Variants in EPHA3 observed in about 807,000 individuals in gnomAD.
The protein encoded by EPHA3 is ephrin type-A receptor 3.
Under a neutral mutation model 107.1 loss-of-function variants are expected in EPHA3, and 42 were observed. The observed-to-expected ratio is 0.39, with a 90% CI of 0.31 to 0.51. The LOEUF (loss-of-function observed/expected upper bound fraction) is 0.51, where lower values mean the gene tolerates loss of function less well. Ranked by LOEUF, EPHA3 falls within the 20% of genes least tolerant of loss-of-function variation. The pLI is 0.78. For missense variants in EPHA3, 1,183 were observed against 1,211.2 expected (o/e 0.98, Z 0.35); for synonymous variants, 461 against 424.8 (o/e 1.09, Z -1.05).
intron 10 of EPHA3, among the ~76,000 whole-genome samples, chr3:89,417,732 T>C (rs1709276696): frequency 6.6e-6 from 1 of 151,488 alleles, no homozygotes; most frequent in Admixed American, 6.6e-5. Flanking sequence ...TTCTCTACAC[T>C]TCCTCAAAGG....
intron 2 of EPHA3, among the ~76,000 whole-genome samples, chr3:89,149,144 A>G (rs1211599829): frequency 6.6e-6 from 1 of 151,974 alleles, no homozygotes; most frequent in Non-Finnish European, 1.5e-5. Flanking sequence ...TATGGTTCAA[A>G]GGATTTTATA....
chr3:89,315,071 G>A (rs879297534), intron 3 of EPHA3, among the ~76,000 whole-genome samples: 6 of 151,698 alleles, frequency 4.0e-5, no homozygotes, highest in Non-Finnish European at 7.4e-5. Flanking sequence ...ACATAGAAAA[G>A]GTATAGTAAA....
chr3:89,335,839 A>AT (rs1707380386), intron 3 of EPHA3, among the ~76,000 whole-genome samples: 1 of 152,132 alleles, frequency 6.6e-6, no homozygotes, highest in Non-Finnish European at 1.5e-5. Flanking sequence ...TCCATGAATA[A>AT]TTTTTCCACG....
In EPHA3 at chr3:89,208,474, GAAA is replaced by G. The variant is rs1559600931; in HGVS notation, c.154-1385_154-1383del. 1.2e-3 allele frequency among the ~76,000 whole-genome samples: 163 copies of G among 131,800 alleles called. 5 individuals are homozygous for G. The highest frequency in any genetic ancestry group is 1.4e-3 in the Non-Finnish European group (88 of 62,244). The allele number at this position is 131,800 out of a possible 152,430, so 86.5% of individuals were successfully genotyped here. A position where few individuals can be genotyped will look rare whatever the true frequency, so the allele number is the denominator to read the frequency against. On this transcript the variant is annotated intron_variant, in intron 2 of 16. Transcript: ENST00000336596. ...AGAAAGAAAGAAAGAAAGAAAGAAA[GAAA>G]GAAAGAGAAAAAGAAAGGAGGGAGG...
intron 7 of EPHA3, among the ~76,000 whole-genome samples, chr3:89,401,660 T>A (rs1245220287): frequency 6.6e-6 from 1 of 152,146 alleles, no homozygotes; most frequent in Non-Finnish European, 1.5e-5. Flanking sequence ...CAGGATGGAG[T>A]GCAATGGCAT....
intron 6 of EPHA3, among the ~76,000 whole-genome samples, chr3:89,397,500 T>A (rs750009268): frequency 6.6e-6 from 1 of 152,058 alleles, no homozygotes; most frequent in Non-Finnish European, 1.5e-5. Flanking sequence ...TTTAATTGTA[T>A]ACATCTGCAC....
chr3:89,121,629 C>T (rs1576163885), intron 1 of EPHA3, among the ~76,000 whole-genome samples: 1 of 151,780 alleles, frequency 6.6e-6, no homozygotes, highest in East Asian at 2.0e-4. Flanking sequence ...TGGTGGCACA[C>T]GCCTGTAGTC....
At chr3:89,146,464 C>A (rs1403930829) in intron 2 of EPHA3, among the ~76,000 whole-genome samples, 2 of 152,062 alleles carry the variant, frequency 1.3e-5, no homozygotes, top group African/African-American at 4.8e-5. Context: ...CTGTTCATAT[C>A]CTTTGCCAAC....
rs1281732291 is a variant in EPHA3 at position 89,328,449 on chromosome 3, A to G, written c.815-12467A>G. ...TGTTGAAGAAAACTACTGTGAAACTAACAGTCACTGGAAAGAGATAAGGTA... is the reference window on the plus strand; with the variant it reads ...TGTTGAAGAAAACTACTGTGAAACTGACAGTCACTGGAAAGAGATAAGGTA... On this transcript the variant is annotated intron_variant, in intron 3 of 16. Coordinates refer to ENST00000336596, the MANE Select transcript of EPHA3 (RefSeq NM_005233.6). 2.6e-5 allele frequency among the ~76,000 whole-genome samples: 4 copies of G among 152,224 alleles called. No individual in the cohort carries two copies. In the South Asian group the frequency reaches 8.3e-4, roughly 31 times the overall value.
chr3:89,316,505 A>AATATATATATATATATATATATATAT (rs58576798), intron 3 of EPHA3, among the ~76,000 whole-genome samples: 2 of 104,134 alleles, frequency 1.9e-5, no homozygotes, highest in Non-Finnish European at 3.8e-5. Context: ...GTGTGTGTGT[A>AATATATATATATATATATATATATAT]ATATATATAT....
chr3:89,239,439 A>T (rs538666312), intron 3 of EPHA3, among the ~76,000 whole-genome samples: 2 of 152,310 alleles, frequency 1.3e-5, no homozygotes, highest in South Asian at 4.1e-4. Flanking sequence ...GACAATAATA[A>T]TAATAATAAT....
chr3:89,155,172 C>A (rs1704771777), intron 2 of EPHA3, among the ~76,000 whole-genome samples: 1 of 151,534 alleles, frequency 6.6e-6, no homozygotes, highest in Non-Finnish European at 1.5e-5. Context: ...TATGTAAAAT[C>A]AATACATAAT....
chr3:89,285,584 G>A (rs1706063042), intron 3 of EPHA3, among the ~76,000 whole-genome samples: 1 of 152,156 alleles, frequency 6.6e-6, no homozygotes, highest in African/African-American at 2.4e-5. Flanking sequence ...GAATTGAGTG[G>A]GCAAACCATG....
intron 2 of EPHA3, among the ~76,000 whole-genome samples, chr3:89,207,304 G>A (rs563177792): frequency 6.6e-6 from 1 of 152,000 alleles, no homozygotes; most frequent in African/African-American, 2.4e-5. Context: ...TTTAAAGATG[G>A]CAACAATAAA....
intron 3 of EPHA3, among the ~76,000 whole-genome samples, chr3:89,300,888 T>C (rs138184164): frequency 6.6e-6 from 1 of 152,252 alleles, no homozygotes; most frequent in East Asian, 1.9e-4. Context: ...AGTTTCTCTT[T>C]CCTCACCTTC....
rs147061458 is a variant in EPHA3 at position 89,122,761 on chromosome 3, C to T, written c.89-4448C>T. Among the ~76,000 whole-genome samples, 511 of 152,178 alleles carry T rather than the reference C, an allele frequency of 3.4e-3. 2 individuals are homozygous for T. Among genetic ancestry groups the T allele is most frequent in the Non-Finnish European group, 4.6e-3 (312 of 68,000 alleles). ...TCCAGAAACTTGTACATTTTTAATC[C>T]GCCCTCACTAACTGGGAACATTTGT... is the stretch of plus-strand genomic sequence containing the variant. On this transcript the variant is annotated intron_variant, in intron 1 of 16. Coordinates refer to ENST00000336596, the MANE Select transcript of EPHA3 (RefSeq NM_005233.6).
intron 2 of EPHA3, among the ~76,000 whole-genome samples, chr3:89,201,342 G>C (rs188889378): frequency 2.6e-5 from 4 of 152,274 alleles, no homozygotes; most frequent in Admixed American, 6.5e-5. Context: ...CACCGTGAGA[G>C]TTAGGTGGGG....
At chr3:89,294,956 T>C (rs977634069) in intron 3 of EPHA3, among the ~76,000 whole-genome samples, 8 of 152,190 alleles carry the variant, frequency 5.3e-5, no homozygotes, top group Non-Finnish European at 1.2e-4. Context: ...CACAGTTAAA[T>C]TATTGAAAAA....
chr3:89,136,315 G>C (rs1191412735), intron 2 of EPHA3, among the ~76,000 whole-genome samples: 3 of 105,108 alleles, frequency 2.9e-5, no homozygotes, highest in Non-Finnish European at 5.7e-5. Flanking sequence ...GAAAAACATG[G>C]CAAAATCTTA....
Sources: allele counts gnomAD v4.1 joint callset (sites outside exome capture counted in the v4.1 genomes callset), GRCh38; gene constraint gnomAD v4.1.1; transcripts MANE v1.5; gene names NCBI Gene and HGNC (gene_info 2026-07-23, HGNC 2026-07-21).